FIRRM: variants seen among roughly 807,000 people sequenced by gnomAD.
FIRRM encodes the protein FIGNL1 interacting regulator of recombination and mitosis, also known as FIGNL1-interacting regulator of recombination and mitosis.
At chr1:169,819,177 CA>C in the FIRRM span, among the ~76,000 whole-genome samples, 1 of 152,172 alleles carries the variant, frequency 6.6e-6, no homozygotes, top group African/African-American at 2.4e-5. Flanking sequence ...TAGAAAAAGG[CA>C]GTCCAATGAT....
At chr1:169,810,031 C>T in the FIRRM span, among the ~76,000 whole-genome samples, 2 of 152,046 alleles carry the variant, frequency 1.3e-5, no homozygotes, top group Non-Finnish European at 2.9e-5. Flanking sequence ...GAGGGTGTGC[C>T]GTCTGCTTCA....
At chr1:169,815,449 C>T in the FIRRM span, among the ~76,000 whole-genome samples, 54 of 152,080 alleles carry the variant, frequency 3.6e-4, no homozygotes, top group Non-Finnish European at 6.6e-4. Flanking sequence ...GGGCAATTCC[C>T]AGAACTAAGG....
At chr1:169,824,824 C>T in the FIRRM span, among the ~76,000 whole-genome samples, 4 of 152,174 alleles carry the variant, frequency 2.6e-5, no homozygotes, top group Non-Finnish European at 5.9e-5. Flanking sequence ...CCAGCACTTA[C>T]TCCTCAGGCC....
the FIRRM span, among the ~76,000 whole-genome samples, chr1:169,839,411 A>G: frequency 1.3e-5 from 2 of 152,210 alleles, no homozygotes; most frequent in African/African-American, 4.8e-5. Context: ...CTTTCTCTGC[A>G]GCCTCACCAG....
chr1:169,806,006 A>G, the FIRRM span: 1 of 1,571,008 alleles, frequency 6.4e-7, no homozygotes, highest in East Asian at 2.3e-5. Flanking sequence ...CTTTGCAGTT[A>G]TTCATTCTTT....
the FIRRM span, chr1:169,837,082 G>A: frequency 6.3e-7 from 1 of 1,592,530 alleles, no homozygotes; most frequent in Non-Finnish European, 8.5e-7. Flanking sequence ...GGCTGAGCAG[G>A]AGTCGTACTT....
At chr1:169,836,295 G>C in the FIRRM span, among the ~76,000 whole-genome samples, 1 of 151,932 alleles carries the variant, frequency 6.6e-6, no homozygotes, top group African/African-American at 2.4e-5. Context: ...TTTTTATCTA[G>C]TCTCTAACAT....
the FIRRM span, among the ~76,000 whole-genome samples, chr1:169,846,808 A>G: frequency 2.0e-5 from 3 of 152,202 alleles, no homozygotes; most frequent in Non-Finnish European, 4.4e-5. Context: ...GTTCATTGGA[A>G]TAGCATTTTT....
chr1:169,819,070 C>G, the FIRRM span, among the ~76,000 whole-genome samples: 2 of 152,152 alleles, frequency 1.3e-5, no homozygotes, highest in Admixed American at 1.3e-4. Context: ...GTTTCTACAG[C>G]CTAATAAGCA....
chr1:169,827,298 A>C, the FIRRM span: 2 of 1,029,424 alleles, frequency 1.9e-6, no homozygotes, highest in Non-Finnish European at 1.4e-6. Context: ...AGAAATTTTT[A>C]TTAAGTTTCT....
the FIRRM span, chr1:169,851,803 A>G: frequency 6.2e-7 from 1 of 1,610,686 alleles, no homozygotes. Context: ...TTGGTTTTTC[A>G]TGGTCCCTGG....
At chr1:169,792,762 G>C in the FIRRM span, 1 of 1,613,656 alleles carries the variant, frequency 6.2e-7, no homozygotes, top group Non-Finnish European at 8.5e-7. Context: ...TTACTTAACA[G>C]TCTAAGGAAA....
At chr1:169,794,318 C>T in the FIRRM span, among the ~76,000 whole-genome samples, 20 of 152,304 alleles carry the variant, frequency 1.3e-4, no homozygotes, top group East Asian at 3.1e-3. Flanking sequence ...TTTGGTAAGT[C>T]AGCGTCCCTT....
the FIRRM span, among the ~76,000 whole-genome samples, chr1:169,808,954 A>T: frequency 3.9e-5 from 6 of 152,128 alleles, no homozygotes; most frequent in African/African-American, 1.4e-4. Flanking sequence ...TTGAATAGCA[A>T]TGACATAGCC....
At chr1:169,807,913 C>T in the FIRRM span, 2 of 1,605,116 alleles carry the variant, frequency 1.2e-6, no homozygotes, top group Non-Finnish European at 1.7e-6. Flanking sequence ...GAGCAGATGA[C>T]ACAGTCAGAT....
At chr1:169,827,846 A>G in the FIRRM span, 6 of 1,613,710 alleles carry the variant, frequency 3.7e-6, no homozygotes, top group South Asian at 1.1e-5. Flanking sequence ...ACCAGGTAGC[A>G]AACATGTTTT....
the FIRRM span, among the ~76,000 whole-genome samples, chr1:169,840,917 T>C: frequency 2.4e-4 from 36 of 152,298 alleles, no homozygotes; most frequent in Non-Finnish European, 4.3e-4. Flanking sequence ...GACTTCTTCT[T>C]TTCGTACTTG....
At chr1:169,829,008 T>G in the FIRRM span, among the ~76,000 whole-genome samples, 2 of 152,238 alleles carry the variant, frequency 1.3e-5, no homozygotes, top group Non-Finnish European at 2.9e-5. Flanking sequence ...TGACTTTGTG[T>G]AACTCAGTAC....
chr1:169,794,835 A>C, the FIRRM span: 2 of 458,036 alleles, frequency 4.4e-6, no homozygotes, highest in South Asian at 2.6e-5. Context: ...TTGCTTCCCG[A>C]CGTGTCCTGG....
Sources: gnomAD v4.1 joint callset for allele counts (sites outside exome capture counted in the v4.1 genomes callset) on GRCh38, gnomAD v4.1.1 for gene constraint, MANE v1.5 for transcripts, NCBI Gene and HGNC (gene_info 2026-07-23, HGNC 2026-07-21) for gene names.